The following PAFAH1B1 variants were observed in gnomAD, a reference collection of about 807,000 sequenced individuals.
The protein encoded by PAFAH1B1 is platelet-activating factor acetylhydrolase IB subunit beta.
Under a neutral mutation model 57.5 loss-of-function variants are expected in PAFAH1B1, and 2 were observed. That is an observed-to-expected ratio of 0.03 (90% CI 0.01 to 0.11). The LOEUF (loss-of-function observed/expected upper bound fraction) is 0.11. Among genes scored for constraint, PAFAH1B1 ranks in the 10% least tolerant of loss-of-function variants. The pLI is 1.00. For synonymous variants in PAFAH1B1, 152 were observed against 169.6 expected (o/e 0.90, Z 0.81); for missense variants, 257 against 512.0 (o/e 0.50, Z 4.81).
intron 2 of PAFAH1B1, among the ~76,000 whole-genome samples, chr17:2,662,337 C>G: frequency 7.0e-6 from 1 of 142,928 alleles, no homozygotes; most frequent in East Asian, 2.2e-4. Context: ...TAACCATTTT[C>G]TTTTTTATTT....
intron 2 of PAFAH1B1, among the ~76,000 whole-genome samples, chr17:2,664,899 A>G (rs942872902): frequency 2.6e-5 from 4 of 152,122 alleles, no homozygotes; most frequent in South Asian, 4.1e-4. Flanking sequence ...CAATGGTTCA[A>G]AGTTATTTCT....
intron 1 of PAFAH1B1, among the ~76,000 whole-genome samples, chr17:2,614,608 T>C (rs1394010405): frequency 6.6e-6 from 1 of 152,106 alleles, no homozygotes; most frequent in Non-Finnish European, 1.5e-5. Context: ...TTATAAAAGC[T>C]CTGTTGCCTA....
chr17:2,666,034 A>G lies in PAFAH1B1; in HGVS notation c.136A>G (p.Lys46Glu). The G allele has an allele frequency of 6.6e-7, 1 of 1,518,664 alleles. No individual in the cohort carries two copies. 94.1% of individuals were successfully genotyped at this position (1,518,664 alleles called of 1,614,324 possible). ...TCTCTAGAATGAAGAATTAGATAAA[A>G]AGTATGCTGGTCTTTTGGAAAAAAA... ...ELDVNEELDKKYAGLLEKKWT... is the reference protein window; with the variant it reads ...ELDVNEELDKEYAGLLEKKWT... Residue 46 changes from lysine (K) to glutamate (E), a missense_variant, in exon 4 of 11, where the codon AAG (lysine) becomes GAG (glutamate). Coordinates refer to ENST00000397195, the MANE Select transcript of PAFAH1B1 (RefSeq NM_000430.4).
At chr17:2,646,363 G>A (rs182620194) in intron 2 of PAFAH1B1, among the ~76,000 whole-genome samples, 3 of 152,304 alleles carry the variant, frequency 2.0e-5, no homozygotes, top group African/African-American at 7.2e-5. Flanking sequence ...AATGAACTCA[G>A]ATGATTTTCA....
chr17:2,654,070 G>A (rs1035458091), intron 2 of PAFAH1B1, among the ~76,000 whole-genome samples: 34 of 151,890 alleles, frequency 2.2e-4, no homozygotes, highest in Non-Finnish European at 4.3e-4. Context: ...GCCTCCAAAA[G>A]TGCTGGGATT....
chr17:2,668,132 C>T (rs1342174465), intron 5 of PAFAH1B1, among the ~76,000 whole-genome samples: 1 of 151,764 alleles, frequency 6.6e-6, no homozygotes, highest in Non-Finnish European at 1.5e-5. Context: ...CAAGACCAGC[C>T]TGAGCAACAC....
chr17:2,604,958 C>A (rs990810713), intron 1 of PAFAH1B1, among the ~76,000 whole-genome samples: 2 of 152,056 alleles, frequency 1.3e-5, no homozygotes, highest in Non-Finnish European at 2.9e-5. Context: ...TGGAGAGGCA[C>A]GTCTGAGCCA....
At chr17:2,679,759 AATC>A (rs2069348242) in intron 9 of PAFAH1B1, 1 of 239,404 alleles carries the variant, frequency 4.2e-6, no homozygotes, top group Admixed American at 5.2e-5. Context: ...ATTTTGCTGA[AATC>A]ATTTGAGCGT....
chr17:2,683,681 A>G lies in PAFAH1B1; in HGVS notation c.*1879A>G, dbSNP rs1424104428. On this transcript the variant is annotated 3_prime_UTR_variant, in exon 11 of 11. Coordinates refer to ENST00000397195, the MANE Select transcript of PAFAH1B1 (RefSeq NM_000430.4). ...CATCTTAAGCTAATTCCTTAAATACATACAGTAGGTGAATTTTCAGGACAA... is the reference window on the plus strand; with the variant it reads ...CATCTTAAGCTAATTCCTTAAATACGTACAGTAGGTGAATTTTCAGGACAA... The G allele has an allele frequency of 6.5e-6, 1 of 152,680 alleles. No homozygotes were observed. 9.5% of individuals were successfully genotyped at this position (152,680 alleles called of 1,614,324 possible). A position where few individuals can be genotyped will look rare whatever the true frequency, so the allele number is the denominator to read the frequency against.
intron 2 of PAFAH1B1, among the ~76,000 whole-genome samples, chr17:2,655,854 T>C (rs774916629): frequency 3.3e-5 from 5 of 152,102 alleles, no homozygotes; most frequent in Non-Finnish European, 5.9e-5. Flanking sequence ...AGTTATATGC[T>C]GAGTAGCTTC....
intron 2 of PAFAH1B1, among the ~76,000 whole-genome samples, chr17:2,653,418 T>TAA (rs34906915): frequency 2.0e-4 from 29 of 147,350 alleles, no homozygotes; most frequent in South Asian, 4.3e-4. Flanking sequence ...TTAAAAGTAT[T>TAA]AAAAAAAAAA....
intron 1 of PAFAH1B1, among the ~76,000 whole-genome samples, chr17:2,595,040 C>T (rs2068070037): frequency 6.6e-6 from 1 of 152,146 alleles, no homozygotes; most frequent in African/African-American, 2.4e-5. Context: ...AGGAAATTTT[C>T]TTTTGGGGTT....
chr17:2,626,179 A>G (rs1358439661), intron 1 of PAFAH1B1, among the ~76,000 whole-genome samples: 1 of 151,908 alleles, frequency 6.6e-6, no homozygotes, highest in Non-Finnish European at 1.5e-5. Context: ...GCTTGAACCC[A>G]GGAGGCAGAG....
chr17:2,620,697 A>G (rs542236577), intron 1 of PAFAH1B1, among the ~76,000 whole-genome samples: 1 of 152,260 alleles, frequency 6.6e-6, no homozygotes, highest in African/African-American at 2.4e-5. Flanking sequence ...CCCCGTCTCT[A>G]CTAAAAATAC....
intron 8 of PAFAH1B1, among the ~76,000 whole-genome samples, chr17:2,676,075 C>T (rs980659740): frequency 2.8e-4 from 42 of 152,208 alleles, no homozygotes; most frequent in African/African-American, 8.9e-4. Context: ...TGTATTTCAA[C>T]AGATAAAAAC....
At chr17:2,633,115 C>T (rs1375361690) in intron 1 of PAFAH1B1, among the ~76,000 whole-genome samples, 1 of 151,622 alleles carries the variant, frequency 6.6e-6, no homozygotes, top group Non-Finnish European at 1.5e-5. Flanking sequence ...CTTCATTTCT[C>T]CTGTGGTCTT....
chr17:2,677,891 ACT>A (rs527727210), intron 9 of PAFAH1B1, among the ~76,000 whole-genome samples: 68 of 150,928 alleles, frequency 4.5e-4, no homozygotes, highest in African/African-American at 1.3e-3. Context: ...AGAAAATGAA[ACT>A]CTCCTCTAGT....
Position 2,685,377 on chromosome 17 carries a change from C to T in PAFAH1B1, c.*3575C>T, listed in dbSNP as rs2069459611. ...CTGACATGAAGGCAAGCCTTGATTT[C>T]GTATGAACGTTGCTGAAGTGGTAAT... On this transcript the variant is annotated 3_prime_UTR_variant, in exon 11 of 11. Coordinates refer to ENST00000397195, the MANE Select transcript of PAFAH1B1 (RefSeq NM_000430.4). 1 of 152,452 alleles carries T rather than the reference C, an allele frequency of 6.6e-6. No homozygotes were observed. Among genetic ancestry groups the T allele is most frequent in the South Asian group, 2.1e-4 (1 of 4,816 alleles). The allele number at this position is 152,452 out of a possible 1,614,324, so 9.4% of individuals were successfully genotyped here.
chr17:2,626,155 G>C (rs2068486285), intron 1 of PAFAH1B1, among the ~76,000 whole-genome samples: 1 of 151,884 alleles, frequency 6.6e-6, no homozygotes. Flanking sequence ...TCGGGAGGCT[G>C]AGGCAAAACA....
Sources: allele counts gnomAD v4.1 joint callset (sites outside exome capture counted in the v4.1 genomes callset), GRCh38; gene constraint gnomAD v4.1.1; transcripts MANE v1.5; gene names NCBI Gene and HGNC (gene_info 2026-07-23, HGNC 2026-07-21).